Variants in PIK3C2G observed in about 807,000 individuals in gnomAD.
The protein encoded by PIK3C2G is phosphatidylinositol-4-phosphate 3-kinase catalytic subunit type 2 gamma.
In PIK3C2G, 168 loss-of-function variants were observed where a neutral mutation model predicts 181.1. The ratio of observed to expected loss-of-function variants is 0.93; its 90% confidence interval spans 0.82 to 1.05. The LOEUF is 1.05. Among genes scored for constraint, PIK3C2G ranks in the 50% least tolerant of loss-of-function variants. The pLI, the probability that PIK3C2G is intolerant of heterozygous loss-of-function variation, is 0.00. For synonymous variants in PIK3C2G, 573 were observed against 592.2 expected (o/e 0.97, Z 0.47); for missense variants, 1,869 against 1,732.8 (o/e 1.08, Z -1.40).
At chr12:18,614,568 T>A (rs1159261426) in intron 31 of PIK3C2G, among the ~76,000 whole-genome samples, 4 of 152,130 alleles carry the variant, frequency 2.6e-5, no homozygotes, top group African/African-American at 9.7e-5. Flanking sequence ...TTGGCTCTTG[T>A]AAATTTAAGA....
At chr12:18,446,718 T>C (rs529075931) in intron 18 of PIK3C2G, among the ~76,000 whole-genome samples, 14 of 152,320 alleles carry the variant, frequency 9.2e-5, no homozygotes, top group Non-Finnish European at 2.1e-4. Context: ...ATCATTGGCA[T>C]GAACCATGCA....
At chr12:18,286,348 G>A (rs771184377) in intron 2 of PIK3C2G, among the ~76,000 whole-genome samples, 1 of 151,906 alleles carries the variant, frequency 6.6e-6, no homozygotes, top group Non-Finnish European at 1.5e-5. Context: ...CAACTCAGAG[G>A]TTCATTAATA....
At chr12:18,587,831 A>G (rs1322120131) in intron 29 of PIK3C2G, among the ~76,000 whole-genome samples, 2 of 152,094 alleles carry the variant, frequency 1.3e-5, no homozygotes, top group South Asian at 2.1e-4. Context: ...TGGAGGCATC[A>G]TGTTACCCAA....
intron 29 of PIK3C2G, among the ~76,000 whole-genome samples, chr12:18,572,362 T>TA (rs1945994463): frequency 6.8e-6 from 1 of 148,024 alleles, no homozygotes; most frequent in Admixed American, 6.8e-5. Context: ...TATAAAGCGA[T>TA]ATATATAAAG....
intron 7 of PIK3C2G, among the ~76,000 whole-genome samples, chr12:18,324,636 T>C (rs1402992563): frequency 6.6e-6 from 1 of 152,228 alleles, no homozygotes; most frequent in African/African-American, 2.4e-5. Flanking sequence ...ATTATAAATA[T>C]AAGCCATTAA....
At chr12:18,673,395 A>T in the PIK3C2G span, among the ~76,000 whole-genome samples, 1 of 152,182 alleles carries the variant, frequency 6.6e-6, no homozygotes, top group Non-Finnish European at 1.5e-5. Flanking sequence ...ATATGAAAAT[A>T]TCATAAACAG....
chr12:18,362,926 T>C lies in PIK3C2G; in HGVS notation c.1748+40T>C, dbSNP rs1368850102. The C allele has an allele frequency of 7.8e-6, 11 of 1,408,816 alleles. No individual in the cohort carries two copies. The East Asian group carries it at 2.8e-4, about 36-fold the overall frequency. The allele number at this position is 1,408,816 out of a possible 1,614,324, so 87.3% of individuals were successfully genotyped here. On this transcript the variant is annotated intron_variant, in intron 12 of 32. Coordinates refer to ENST00000538779, the MANE Select transcript of PIK3C2G (RefSeq NM_001288772.2). ...TACTGTATCTGGATCATTTATGTAA[T>C]AAATGTCAGCTTTTTCCCCCTTTTT...
intron 31 of PIK3C2G, among the ~76,000 whole-genome samples, chr12:18,616,159 C>G (rs1403483806): frequency 6.6e-6 from 1 of 152,092 alleles, no homozygotes; most frequent in African/African-American, 2.4e-5. Context: ...TCTTTGGAAA[C>G]TTTACTATAT....
At chr12:18,559,807 TATATATATATATATAGAGAGAGAGAG>T (rs1362800166) in intron 26 of PIK3C2G, among the ~76,000 whole-genome samples, 330 of 41,714 alleles carry the variant, frequency 7.9e-3, no homozygotes, top group East Asian at 0.029. Context: ...TATATATATA[TATATATATATATATAGAGAGAGAGAG>T]AGAGAGAGAG....
At chr12:18,339,797 CT>C (rs1938951226) in intron 9 of PIK3C2G, among the ~76,000 whole-genome samples, 3 of 152,042 alleles carry the variant, frequency 2.0e-5, no homozygotes, top group Non-Finnish European at 4.4e-5. Context: ...TAAATACGTT[CT>C]TTACATGAAC....
chr12:18,652,205 T>A (rs74755754), downstream of PIK3C2G, among the ~76,000 whole-genome samples: 64 of 152,164 alleles, frequency 4.2e-4, no homozygotes, highest in Middle Eastern at 3.4e-3. Flanking sequence ...TTATTTAAGA[T>A]GAGGTCATAT....
chr12:18,443,422 T>C (rs1946853926), intron 18 of PIK3C2G, among the ~76,000 whole-genome samples: 1 of 151,756 alleles, frequency 6.6e-6, no homozygotes, highest in South Asian at 2.1e-4. Context: ...GAATGTATTG[T>C]ACTTTTATTT....
intron 1 of PIK3C2G, among the ~76,000 whole-genome samples, chr12:18,275,816 A>T (rs192686497): frequency 6.6e-6 from 1 of 152,220 alleles, no homozygotes; most frequent in Non-Finnish European, 1.5e-5. Flanking sequence ...AAAAACTGTT[A>T]CTTCCTTCAA....
At chr12:18,705,714 A>C in the PIK3C2G span, among the ~76,000 whole-genome samples, 1 of 150,606 alleles carries the variant, frequency 6.6e-6, no homozygotes, top group African/African-American at 2.4e-5. Context: ...AAAATCACAA[A>C]AATTAGCCAG....
In PIK3C2G at chr12:18,562,819, A is replaced by C. The variant is rs780334837; in HGVS notation, c.3707A>C (p.Glu1236Ala). 1 of 1,608,068 alleles carries C rather than the reference A, an allele frequency of 6.2e-7. No individual in the cohort carries two copies. Among genetic ancestry groups the C allele is most frequent in the South Asian group, 1.1e-5 (1 of 89,654 alleles). Reference sequence around the variant, plus strand: ...TCTACTTCACAGACTTTTCCTCAGGAATCCTGTTTGCTGAGTACAACTAGG... The same window carrying C: ...TCTACTTCACAGACTTTTCCTCAGGCATCCTGTTTGCTGAGTACAACTAGG... The part of the protein sequence containing the change: ...AKSTSQTFPQ[E>A]SCLLSTTRSI... The change falls in exon 27 of 33, where the codon GAA becomes GCA. Residue 1236 changes from glutamate (E) to alanine (A), a missense_variant. Glu to Ala is a moderately radical substitution (Grantham distance 107). Coordinates refer to ENST00000538779, the MANE Select transcript of PIK3C2G (RefSeq NM_001288772.2).
chr12:18,321,268 G>C (rs185047618), intron 7 of PIK3C2G, among the ~76,000 whole-genome samples: 3 of 152,170 alleles, frequency 2.0e-5, no homozygotes, highest in African/African-American at 7.2e-5. Context: ...AAAAATCTCT[G>C]CTGCTGGTTA....
intron 32 of PIK3C2G, among the ~76,000 whole-genome samples, chr12:18,641,088 T>C (rs1045695029): frequency 6.6e-6 from 1 of 152,144 alleles, no homozygotes; most frequent in African/African-American, 2.4e-5. Flanking sequence ...CTTTCCCATC[T>C]CCTCTGCACC....
chr12:18,337,848 T>G (rs915194829), intron 8 of PIK3C2G, among the ~76,000 whole-genome samples: 1 of 152,150 alleles, frequency 6.6e-6, no homozygotes, highest in Non-Finnish European at 1.5e-5. Context: ...TCAGCGATTT[T>G]TTTGAAAAAT....
At chr12:18,466,216 T>C (rs1414167910) in intron 18 of PIK3C2G, among the ~76,000 whole-genome samples, 1 of 149,286 alleles carries the variant, frequency 6.7e-6, no homozygotes. Flanking sequence ...ATCTTTTTTA[T>C]TCCCCCTTAC....
Sources: gnomAD v4.1 joint callset for allele counts (sites outside exome capture counted in the v4.1 genomes callset) on GRCh38, gnomAD v4.1.1 for gene constraint, MANE v1.5 for transcripts, NCBI Gene and HGNC (gene_info 2026-07-23, HGNC 2026-07-21) for gene names.